XRN1: variants seen among roughly 807,000 people sequenced by gnomAD.
The protein encoded by XRN1 is 5'-3' exoribonuclease 1, also known as strand-exchange protein 1 homolog.
Under a neutral mutation model 222.3 loss-of-function variants are expected in XRN1, and 67 were observed. The observed-to-expected ratio is 0.30, with a 90% CI of 0.25 to 0.37. The LOEUF (loss-of-function observed/expected upper bound fraction) is 0.37, where lower values mean the gene tolerates loss of function less well. XRN1 is among the 10% of genes least tolerant of loss of function. The probability of loss-of-function intolerance (pLI) is 1.00; values close to 1 mark genes in which losing one functional copy is unlikely to be tolerated. For synonymous variants in XRN1, 643 were observed against 652.4 expected (o/e 0.99, Z 0.22); for missense variants, 1,707 against 2,000.2 (o/e 0.85, Z 2.80).
chr3:142,372,231 G>A (rs1465788649), intron 25 of XRN1, among the ~76,000 whole-genome samples: 1 of 152,158 alleles, frequency 6.6e-6, no homozygotes, highest in Non-Finnish European at 1.5e-5. Flanking sequence ...TTAGGGGTGA[G>A]GAAGGCATAA....
rs1203459240 is a variant in XRN1 at position 142,397,475 on chromosome 3, T to C, written c.2208-15A>G. 51 of 1,567,652 alleles carry C rather than the reference T, an allele frequency of 3.3e-5. No homozygotes were observed. Among genetic ancestry groups the C allele is most frequent in the Non-Finnish European group, 4.3e-5 (50 of 1,159,222 alleles). ...CCAAGTAAAACCTTAAGAGTTAAAA[T>C]AAAAATTATATAACCAAAATGTTCT... On this transcript the variant is annotated splice_polypyrimidine_tract_variant and intron_variant, in intron 19 of 40. Coordinates refer to ENST00000392981, the MANE Select transcript of XRN1 (RefSeq NM_001282857.2).
chr3:142,404,832 T>C (rs1341122217), intron 16 of XRN1, 75 bp downstream of exon 16: 3 of 1,400,086 alleles, frequency 2.1e-6, no homozygotes, highest in Admixed American at 2.0e-5. Flanking sequence ...TATTCAAAGC[T>C]CCCCCTTCAC....
chr3:142,445,444 A>C (rs2070460574), intron 1 of XRN1, among the ~76,000 whole-genome samples: 1 of 152,146 alleles, frequency 6.6e-6, no homozygotes, highest in Non-Finnish European at 1.5e-5. Flanking sequence ...ATTTGATCTC[A>C]ATACCTTTCT....
At chr3:142,375,537 G>A (rs2067116926) in intron 25 of XRN1, among the ~76,000 whole-genome samples, 1 of 152,120 alleles carries the variant, frequency 6.6e-6, no homozygotes, top group Non-Finnish European at 1.5e-5. Context: ...AGTGAACAAT[G>A]TATGATAGTA....
Position 142,380,205 on chromosome 3 carries a change from A to G in XRN1, c.2617-25T>C, listed in dbSNP as rs758221704. 5 of 1,571,744 alleles carry G rather than the reference A, an allele frequency of 3.2e-6. No individual in the cohort carries two copies. The East Asian group carries it at 1.1e-4, about 35-fold the overall frequency. On this transcript the variant is annotated intron_variant, in intron 22 of 40. Transcript: ENST00000392981. ...CCTTAGAAGAAAAAAAAATCACAGT[A>G]TAGTCTCTTTCAGTACATTTTATTT...
At chr3:142,370,387 T>C (rs2107886159) in intron 27 of XRN1, 98 bp downstream of exon 27, 3 of 1,376,442 alleles carry the variant, frequency 2.2e-6, no homozygotes, top group Non-Finnish European at 3.0e-6. Flanking sequence ...TCACTAAGTA[T>C]ATGTTTTATT....
Position 142,308,903 on chromosome 3 carries a change from G to T in XRN1, c.*2608C>A, listed in dbSNP as rs574677005. The stretch of plus-strand genomic sequence containing the variant: ...GAGCATATTTTTAAACTTTGGGGGT[G>T]GTCTTAGTCCACCCCATCTCAAAGA... On this transcript the variant is annotated 3_prime_UTR_variant, in exon 41 of 41. Transcript: ENST00000392981. 5.3e-5 allele frequency: 8 copies of T among 152,258 alleles called. No homozygotes were observed. The South Asian group carries it at 1.7e-3, about 32-fold the overall frequency. 9.4% of individuals were successfully genotyped at this position (152,258 alleles called of 1,614,324 possible). A position where few individuals can be genotyped will look rare whatever the true frequency, so the allele number is the denominator to read the frequency against.
chr3:142,411,700 T>C (rs2068587309), intron 15 of XRN1, among the ~76,000 whole-genome samples: 1 of 152,212 alleles, frequency 6.6e-6, no homozygotes, highest in African/African-American at 2.4e-5. Flanking sequence ...CATAGGCTAT[T>C]TAGAAGTGTG....
rs367795820 is a variant in XRN1 at position 142,365,037 on chromosome 3, A to G, written c.3394+10T>C. 9 of 1,610,242 alleles carry G rather than the reference A, an allele frequency of 5.6e-6. No individual in the cohort carries two copies. The African/African-American group carries it at 1.2e-4, about 22-fold the overall frequency. ...TTACGTTGAAGACATTTCAAGTATTAGGATATTACCTCCTTTTATTCCTAT... is the reference window on the plus strand; with the variant it reads ...TTACGTTGAAGACATTTCAAGTATTGGGATATTACCTCCTTTTATTCCTAT... On this transcript the variant is annotated intron_variant, in intron 29 of 40. Transcript: ENST00000392981.
At chr3:142,407,178 G>A (rs1270170964) in intron 15 of XRN1, among the ~76,000 whole-genome samples, 3 of 152,154 alleles carry the variant, frequency 2.0e-5, no homozygotes, top group African/African-American at 7.2e-5. Context: ...GGGCAATAAT[G>A]CCCGAACAGT....
intron 20 of XRN1, among the ~76,000 whole-genome samples, chr3:142,386,847 A>G (rs1485626044): frequency 2.0e-4 from 30 of 152,206 alleles, no homozygotes; most frequent in Admixed American, 2.0e-3. Context: ...TACTTATGAA[A>G]ACAGAAATCA....
At chr3:142,444,524 G>C (rs996103994) in intron 1 of XRN1, among the ~76,000 whole-genome samples, 14 of 152,160 alleles carry the variant, frequency 9.2e-5, no homozygotes, top group Non-Finnish European at 2.1e-4. Flanking sequence ...CACAAGACTT[G>C]CTTGAACCGG....
intron 22 of XRN1, among the ~76,000 whole-genome samples, chr3:142,381,953 T>G (rs1052495512): frequency 6.6e-6 from 1 of 152,156 alleles, no homozygotes; most frequent in Non-Finnish European, 1.5e-5. Context: ...AACAGTTCCT[T>G]ATTTTGGGTT....
intron 20 of XRN1, among the ~76,000 whole-genome samples, chr3:142,392,545 G>A (rs1217731992): frequency 6.6e-6 from 1 of 151,814 alleles, no homozygotes; most frequent in Non-Finnish European, 1.5e-5. Flanking sequence ...TCATTGTTCA[G>A]TTCCCACCTA....
chr3:142,358,975 T>C (rs2066541316), intron 30 of XRN1, among the ~76,000 whole-genome samples: 1 of 152,104 alleles, frequency 6.6e-6, no homozygotes, highest in Non-Finnish European at 1.5e-5. Context: ...CTGGAAAGGA[T>C]TTCATCTCAT....
chr3:142,385,126 AC>A (rs1044258402), intron 20 of XRN1, among the ~76,000 whole-genome samples: 15 of 151,986 alleles, frequency 9.9e-5, no homozygotes, highest in African/African-American at 3.6e-4. Flanking sequence ...AAGCATTCCA[AC>A]CCCCCCGGAT....
rs2068736016 is a variant in XRN1, at chr3:142,415,188, CT to C, written c.1437-898del. ...CACTAATTGTTTTTGTTTTTATTACCTTCTCATCTTAATTACAGGTATAAAT... is the reference window on the plus strand; with the variant it reads ...CACTAATTGTTTTTGTTTTTATTACCTCTCATCTTAATTACAGGTATAAAT... On this transcript the variant is annotated intron_variant, in intron 13 of 40. Coordinates refer to ENST00000392981, the MANE Select transcript of XRN1 (RefSeq NM_001282857.2). Among the ~76,000 whole-genome samples, 4 of 152,184 alleles carry C rather than the reference CT, an allele frequency of 2.6e-5. No individual in the cohort carries two copies. In the South Asian group the frequency reaches 8.3e-4, roughly 32 times the overall value.
At chr3:142,382,136 G>A (rs2067324979) in intron 22 of XRN1, among the ~76,000 whole-genome samples, 1 of 151,718 alleles carries the variant, frequency 6.6e-6, no homozygotes, top group African/African-American at 2.4e-5. Context: ...TTTTTTTCCT[G>A]CATAATTACA....
intron 32 of XRN1, among the ~76,000 whole-genome samples, chr3:142,353,139 A>G (rs1032438942): frequency 6.6e-6 from 1 of 152,202 alleles, no homozygotes; most frequent in African/African-American, 2.4e-5. Context: ...GCATAAAGTG[A>G]CACATTCAAG....
Sources: allele counts gnomAD v4.1 joint callset (sites outside exome capture counted in the v4.1 genomes callset), GRCh38; gene constraint gnomAD v4.1.1; transcripts MANE v1.5; gene names NCBI Gene and HGNC (gene_info 2026-07-23, HGNC 2026-07-21).